The following GABRG2 variants were observed in gnomAD, a reference collection of about 807,000 sequenced individuals.
GABRG2 encodes the protein gamma-aminobutyric acid type A receptor subunit gamma2.
GABRG2 carries 16 observed loss-of-function variants against 56.4 expected under a neutral mutation model. That is an observed-to-expected ratio of 0.28 (90% CI 0.19 to 0.43). The LOEUF is 0.43. GABRG2 is among the 20% of genes least tolerant of loss of function. The pLI is 1.00. For missense variants in GABRG2, 327 were observed against 582.7 expected, an observed-to-expected ratio of 0.56 and a Z score of 4.52; for synonymous variants, 208 against 205.5, an observed-to-expected ratio of 1.01 and a Z score of -0.10.
intron 1 of GABRG2, chr5:162,083,449 T>G (rs2910062): frequency 0.081 from 12,914 of 158,996 alleles, 691 homozygotes; most frequent in African/African-American, 0.15. Context: ...ACGTTTTTGC[T>G]ACAGAAAAAA....
intron 6 of GABRG2, among the ~76,000 whole-genome samples, chr5:162,128,783 T>C (rs1253421878): frequency 6.6e-6 from 1 of 152,024 alleles, no homozygotes; most frequent in Non-Finnish European, 1.5e-5. Flanking sequence ...GGTTATCCTG[T>C]TATTATTTCA....
At chr5:162,098,770 T>C (rs917849757) in intron 4 of GABRG2, 1 of 152,156 alleles carries the variant, frequency 6.6e-6, no homozygotes, top group Non-Finnish European at 1.5e-5. Flanking sequence ...TATGTTTTTA[T>C]TTAGAAAAAT....
intron 6 of GABRG2, among the ~76,000 whole-genome samples, chr5:162,128,157 C>T (rs565181037): frequency 6.6e-6 from 1 of 151,934 alleles, no homozygotes; most frequent in Admixed American, 6.6e-5. Context: ...TTCTGAATAC[C>T]CTCCCTTTCC....
At chr5:162,141,723 A>G (rs1764581741) in intron 6 of GABRG2, among the ~76,000 whole-genome samples, 1 of 152,220 alleles carries the variant, frequency 6.6e-6, no homozygotes, top group Admixed American at 6.5e-5. Flanking sequence ...GTCAAGCACC[A>G]GGATATCCTT....
At chr5:162,148,313 G>C (rs1054638740) in intron 7 of GABRG2, among the ~76,000 whole-genome samples, 1 of 152,186 alleles carries the variant, frequency 6.6e-6, no homozygotes, top group Non-Finnish European at 1.5e-5. Flanking sequence ...GAAAATACCT[G>C]CTGTGAAGAT....
intron 2 of GABRG2, chr5:162,094,189 A>G: frequency 1.8e-6 from 1 of 562,718 alleles, no homozygotes; most frequent in South Asian, 2.1e-5. Context: ...TTTCAAGTGA[A>G]GCTTGAGAGC....
intron 1 of GABRG2, among the ~76,000 whole-genome samples, chr5:162,070,261 TTCTC>T (rs1282039169): frequency 6.6e-6 from 1 of 152,122 alleles, no homozygotes; most frequent in Non-Finnish European, 1.5e-5. Context: ...AATTTTTACA[TTCTC>T]TCATAGTGAC....
chr5:162,073,576 A>G (rs1054940327), intron 1 of GABRG2, among the ~76,000 whole-genome samples: 2 of 151,990 alleles, frequency 1.3e-5, no homozygotes, highest in Admixed American at 6.6e-5. Context: ...TAGAAATAAT[A>G]TTACAACTTC....
intron 7 of GABRG2, among the ~76,000 whole-genome samples, chr5:162,145,361 A>G (rs1764879391): frequency 6.6e-6 from 1 of 152,218 alleles, no homozygotes; most frequent in South Asian, 2.1e-4. Context: ...GAGGTGAGGT[A>G]ACATCCCTGA....
intron 6 of GABRG2, chr5:162,128,197 A>G (rs565771332): frequency 6.6e-6 from 1 of 152,130 alleles, no homozygotes; most frequent in East Asian, 1.9e-4. Flanking sequence ...CTGCACGCCA[A>G]GCCAAACATC....
chr5:162,068,705 G>A (rs960862818), intron 1 of GABRG2, among the ~76,000 whole-genome samples: 1 of 152,132 alleles, frequency 6.6e-6, no homozygotes, highest in Admixed American at 6.5e-5. Context: ...GTCCTGGTGA[G>A]GGCCAAAGGG....
At chr5:162,136,522 G>A (rs775993627) in intron 6 of GABRG2, among the ~76,000 whole-genome samples, 7 of 152,082 alleles carry the variant, frequency 4.6e-5, no homozygotes, top group Non-Finnish European at 8.8e-5. Flanking sequence ...AAGTTGGAAT[G>A]AAGAAAAGGG....
At chr5:162,121,639 T>A (rs1306179593) in intron 6 of GABRG2, among the ~76,000 whole-genome samples, 1 of 152,120 alleles carries the variant, frequency 6.6e-6, no homozygotes, top group Non-Finnish European at 1.5e-5. Context: ...TAAGACTGAC[T>A]GTAGATATAA....
intron 6 of GABRG2, among the ~76,000 whole-genome samples, chr5:162,126,129 G>A (rs192764157): frequency 1.8e-4 from 27 of 152,026 alleles, no homozygotes; most frequent in Non-Finnish European, 3.5e-4. Flanking sequence ...GAAAGATGTG[G>A]AGTATGTGAT....
intron 4 of GABRG2, chr5:162,099,097 G>A (rs765144450): frequency 2.0e-5 from 3 of 152,012 alleles, no homozygotes; most frequent in Non-Finnish European, 2.9e-5. Context: ...CATGTTAAAT[G>A]TGCTTGCTCA....
chr5:162,072,477 C>T (rs1317569305), intron 1 of GABRG2, among the ~76,000 whole-genome samples: 6 of 152,036 alleles, frequency 3.9e-5, no homozygotes, highest in Non-Finnish European at 8.8e-5. Flanking sequence ...CGGCACAATT[C>T]AAATGCTTAA....
At chr5:162,080,664 A>T (rs1440194295) in intron 1 of GABRG2, among the ~76,000 whole-genome samples, 1 of 152,106 alleles carries the variant, frequency 6.6e-6, no homozygotes, top group Non-Finnish European at 1.5e-5. Flanking sequence ...ATTCTTAGGG[A>T]AAAGTGTACC....
At chr5:162,148,170 T>C (rs1369097589) in intron 7 of GABRG2, among the ~76,000 whole-genome samples, 1 of 152,178 alleles carries the variant, frequency 6.6e-6, no homozygotes, top group Admixed American at 6.5e-5. Context: ...ATAGGTGCTT[T>C]TGTATAATTA....
intron 6 of GABRG2, among the ~76,000 whole-genome samples, chr5:162,139,565 G>C (rs1380687313): frequency 2.0e-5 from 3 of 152,182 alleles, no homozygotes; most frequent in Non-Finnish European, 4.4e-5. Context: ...GTGGACCATG[G>C]AAGTTTAGAC....
Sources: gnomAD v4.1 joint callset for allele counts (sites outside exome capture counted in the v4.1 genomes callset) on GRCh38, gnomAD v4.1.1 for gene constraint, MANE v1.5 for transcripts, NCBI Gene and HGNC (gene_info 2026-07-23, HGNC 2026-07-21) for gene names.